The following ARSB variants were observed in gnomAD, a reference collection of about 807,000 sequenced individuals.
ARSB encodes N-acetylgalactosamine-4-sulfatase.
In ARSB, 41 loss-of-function variants were observed where a neutral mutation model predicts 50.9. The ratio of observed to expected loss-of-function variants is 0.81; its 90% CI spans 0.63 to 1.04. The LOEUF is 1.04. Ranked by LOEUF, ARSB falls within the 50% of genes least tolerant of loss-of-function variation. The pLI is 0.00. For synonymous variants in ARSB, 269 were observed against 284.8 expected, an observed-to-expected ratio of 0.94 and a Z score of 0.56; for missense variants, 672 against 693.3, an observed-to-expected ratio of 0.97 and a Z score of 0.35.
At chr5:78,955,557 G>A in intron 3 of ARSB, 55 bp from the exon 4 acceptor site, 2 of 1,394,784 alleles carry the variant, frequency 1.4e-6, no homozygotes, top group South Asian at 1.2e-5. Flanking sequence ...ATTAAATATA[G>A]AAGGATAAGA....
At chr5:78,982,647 T>C (rs1290842652) in intron 1 of ARSB, among the ~76,000 whole-genome samples, 1 of 152,228 alleles carries the variant, frequency 6.6e-6, no homozygotes, top group African/African-American at 2.4e-5. Flanking sequence ...ACAGAGATGA[T>C]AGAGTTGTTG....
chr5:78,794,186 A>G (rs1743094175), intron 6 of ARSB, among the ~76,000 whole-genome samples: 1 of 152,156 alleles, frequency 6.6e-6, no homozygotes, highest in African/African-American at 2.4e-5. Flanking sequence ...TAGGTGCTGT[A>G]GTGGATTCTA....
At chr5:78,916,379 G>A (rs932443186) in intron 4 of ARSB, among the ~76,000 whole-genome samples, 1 of 152,176 alleles carries the variant, frequency 6.6e-6, no homozygotes, top group Non-Finnish European at 1.5e-5. Flanking sequence ...ACTGTCTTTA[G>A]TTTAAAGAGG....
chr5:78,846,444 T>C (rs1899248), intron 5 of ARSB, among the ~76,000 whole-genome samples: 3,152 of 152,288 alleles, frequency 0.021, 108 homozygotes, highest in African/African-American at 0.07. Flanking sequence ...AGGGATTGCA[T>C]TGACTCTGTA....
At chr5:78,859,607 C>T (rs1183220742) in intron 5 of ARSB, among the ~76,000 whole-genome samples, 3 of 152,112 alleles carry the variant, frequency 2.0e-5, no homozygotes, top group Non-Finnish European at 4.4e-5. Context: ...ACGAACAACA[C>T]ATTCTTGGAT....
At chr5:78,791,376 C>T (rs540325347) in intron 6 of ARSB, among the ~76,000 whole-genome samples, 5 of 152,330 alleles carry the variant, frequency 3.3e-5, no homozygotes, top group Admixed American at 1.3e-4. Flanking sequence ...AGCTTATTTA[C>T]GCTAAAGTTC....
At chr5:78,885,149 T>G (rs1747949835) in intron 5 of ARSB, 1 of 176,782 alleles carries the variant, frequency 5.7e-6, no homozygotes, top group Non-Finnish European at 1.2e-5. Context: ...GTATGGCACA[T>G]AGTAGGTGCT....
intron 6 of ARSB, among the ~76,000 whole-genome samples, chr5:78,827,197 T>C (rs1744471218): frequency 6.6e-6 from 1 of 152,156 alleles, no homozygotes; most frequent in South Asian, 2.1e-4. Context: ...ATAAATATCT[T>C]ATATAAACTA....
intron 4 of ARSB, among the ~76,000 whole-genome samples, chr5:78,933,233 C>T (rs913131164): frequency 6.6e-6 from 1 of 152,130 alleles, no homozygotes; most frequent in African/African-American, 2.4e-5. Flanking sequence ...CAAATATATA[C>T]CCATGGATTG....
intron 4 of ARSB, among the ~76,000 whole-genome samples, chr5:78,897,394 T>C (rs886082508): frequency 5.3e-5 from 8 of 152,182 alleles, no homozygotes; most frequent in Admixed American, 5.2e-4. Context: ...GATTGGGACA[T>C]ATGGCCAGAG....
At chr5:78,795,266 T>G (rs1233566829) in intron 6 of ARSB, among the ~76,000 whole-genome samples, 1 of 152,224 alleles carries the variant, frequency 6.6e-6, no homozygotes, top group Non-Finnish European at 1.5e-5. Context: ...TGGTTCATCT[T>G]TGGGAGTCTC....
At chr5:78,815,429 T>C in intron 6 of ARSB, 1 of 652,368 alleles carries the variant, frequency 1.5e-6, no homozygotes, top group Non-Finnish European at 1.9e-6. Flanking sequence ...AAAGACAAAT[T>C]AGAACAAGAC....
At chr5:78,983,455 G>C (rs566470769) in intron 1 of ARSB, among the ~76,000 whole-genome samples, 9 of 152,212 alleles carry the variant, frequency 5.9e-5, no homozygotes, top group Non-Finnish European at 4.4e-5. Context: ...TGCAATCTGA[G>C]TTCAGTTCTC....
At position 78,900,682 on chromosome 5, in the gene ARSB, T is replaced by C. The variant is rs1186935767; in HGVS notation, c.899-14855A>G. On this transcript the variant is annotated intron_variant, in intron 4 of 7. Transcript: ENST00000264914. ...CTTCTATTGAGGGATTGAAGCTGGC[T>C]TGCTTCTATACTACCATTTTGAAAT... Among the ~76,000 whole-genome samples, 3 of 152,282 alleles carry C rather than the reference T, an allele frequency of 2.0e-5. No individual in the cohort carries two copies. The East Asian group carries it at 5.8e-4, about 29-fold the overall frequency.
At chr5:78,879,600 T>C (rs1211796673) in intron 5 of ARSB, among the ~76,000 whole-genome samples, 1 of 152,232 alleles carries the variant, frequency 6.6e-6, no homozygotes, top group African/African-American at 2.4e-5. Context: ...AAAACTACCA[T>C]CATCTCGAAA....
At chr5:78,880,873 C>A (rs1282154220) in intron 5 of ARSB, among the ~76,000 whole-genome samples, 1 of 152,014 alleles carries the variant, frequency 6.6e-6, no homozygotes, top group Non-Finnish European at 1.5e-5. Context: ...TAAAAAACTG[C>A]AAAAAACATT....
chr5:78,872,220 A>G (rs1225465721), intron 5 of ARSB, among the ~76,000 whole-genome samples: 1 of 151,030 alleles, frequency 6.6e-6, no homozygotes, highest in Non-Finnish European at 1.5e-5. Context: ...TGTTGGTGGG[A>G]CTGTAAACTA....
Position 78,976,658 on chromosome 5 carries a change from T to C in ARSB, c.313-7466A>G, listed in dbSNP as rs181098120. 6.6e-5 allele frequency among the ~76,000 whole-genome samples: 10 copies of C among 152,364 alleles called. No homozygotes were observed. In the East Asian group the frequency reaches 1.2e-3, roughly 18 times the overall value. Reference sequence around the variant, plus strand: ...AGAGAATATGTACAATTAATTCTAATTGGAATTACATGCATCCAAAGAATG... The same window carrying C: ...AGAGAATATGTACAATTAATTCTAACTGGAATTACATGCATCCAAAGAATG... On this transcript the variant is annotated intron_variant, in intron 1 of 7. Coordinates refer to ENST00000264914, the MANE Select transcript of ARSB (RefSeq NM_000046.5).
chr5:78,784,947 T>C (rs1749037684), intron 6 of ARSB, among the ~76,000 whole-genome samples: 1 of 151,880 alleles, frequency 6.6e-6, no homozygotes, highest in Admixed American at 6.6e-5. Flanking sequence ...TACAGGTGCA[T>C]GCCACCATGC....
Sources: allele counts gnomAD v4.1 joint callset (sites outside exome capture counted in the v4.1 genomes callset), GRCh38; gene constraint gnomAD v4.1.1; transcripts MANE v1.5; gene names NCBI Gene and HGNC (gene_info 2026-07-23, HGNC 2026-07-21).